The following CACNG4 variants were observed in gnomAD, a reference collection of about 807,000 sequenced individuals.
CACNG4 encodes the protein voltage-dependent calcium channel gamma-4 subunit.
A neutral mutation model predicts 22.9 loss-of-function variants in CACNG4; 8 were observed. The observed-to-expected ratio is 0.35, with a 90% confidence interval of 0.21 to 0.63. The LOEUF is 0.63. Among genes scored for constraint, CACNG4 ranks in the 30% least tolerant of loss-of-function variants. The pLI is 0.72. For synonymous variants in CACNG4, 188 were observed against 191.9 expected, an observed-to-expected ratio of 0.98 and a Z score of 0.17; for missense variants, 357 against 455.4, an observed-to-expected ratio of 0.78 and a Z score of 1.97.
At chr17:67,024,051 A>G (rs1380450826) in intron 2 of CACNG4, among the ~76,000 whole-genome samples, 3 of 152,198 alleles carry the variant, frequency 2.0e-5, no homozygotes, top group Admixed American at 6.5e-5. Flanking sequence ...TCAGTGGCAG[A>G]GCGAGGTTAG....
chr17:66,981,051 G>A (rs2035269495), intron 1 of CACNG4, among the ~76,000 whole-genome samples: 1 of 152,010 alleles, frequency 6.6e-6, no homozygotes, highest in African/African-American at 2.4e-5. Flanking sequence ...TGACTCGTGC[G>A]ACCCTGAAAC....
intron 1 of CACNG4, among the ~76,000 whole-genome samples, chr17:67,006,259 G>A (rs770688966): frequency 3.3e-5 from 5 of 152,208 alleles, no homozygotes; most frequent in African/African-American, 4.8e-5. Context: ...CCAGATGATA[G>A]CAGCCAGGCT....
intron 1 of CACNG4, among the ~76,000 whole-genome samples, chr17:66,975,016 C>G (rs778453605): frequency 6.6e-6 from 1 of 151,250 alleles, no homozygotes; most frequent in Admixed American, 6.6e-5. Context: ...AAGCTCTCCA[C>G]GTCACCACAT....
At chr17:67,012,980 T>C (rs2035477012) in intron 1 of CACNG4, among the ~76,000 whole-genome samples, 1 of 152,242 alleles carries the variant, frequency 6.6e-6, no homozygotes, top group Non-Finnish European at 1.5e-5. Context: ...AGTTGCCCTC[T>C]GACATGCTTT....
At chr17:67,015,218 C>A (rs1028239828) in intron 1 of CACNG4, among the ~76,000 whole-genome samples, 3 of 152,214 alleles carry the variant, frequency 2.0e-5, no homozygotes, top group African/African-American at 7.2e-5. Context: ...TACCGATACG[C>A]ATGACAGCTT....
chr17:66,976,322 CTCCCTCT>C (rs1316122038), intron 1 of CACNG4, among the ~76,000 whole-genome samples: 1 of 151,900 alleles, frequency 6.6e-6, no homozygotes, highest in African/African-American at 2.4e-5. Context: ...CCCCTCCCTC[CTCCCTCT>C]GTCTTTCCTC....
chr17:67,031,163 T>A lies in CACNG4; in HGVS notation c.*159T>A. The A allele has an allele frequency of 1.3e-6, 1 of 766,144 alleles. No homozygotes were observed. The highest frequency in any genetic ancestry group is 2.1e-6 in the Non-Finnish European group (1 of 477,328). 47.5% of individuals were successfully genotyped at this position (766,144 alleles called of 1,614,324 possible). On this transcript the variant is annotated 3_prime_UTR_variant, in exon 4 of 4. Coordinates refer to ENST00000262138, the MANE Select transcript of CACNG4 (RefSeq NM_014405.4). This position sits in a 1 kb window ranked among gnomAD's most constrained non-coding sequence, Gnocchi z 4.0. ...GCGTGGGCTGGCTTTGCACGAAGGT[T>A]GTGCTGGGAGACCGGACCCGGGGCT...
chr17:67,018,310 A>C (rs1467861099), intron 2 of CACNG4, 38 bp downstream of exon 2: 1 of 1,540,348 alleles, frequency 6.5e-7, no homozygotes, highest in East Asian at 2.2e-5. Flanking sequence ...TTCTGTGGGG[A>C]GGCGGAAGGG....
intron 1 of CACNG4, among the ~76,000 whole-genome samples, chr17:67,001,757 G>A (rs903777049): frequency 2.6e-5 from 4 of 152,322 alleles, no homozygotes; most frequent in South Asian, 2.1e-4. Context: ...TGGGGGAGAC[G>A]AACTAGACAT....
At position 66,984,692 on chromosome 17, in the gene CACNG4, T is replaced by TGCTTGTGGGAC. The variant is rs1367853237; in HGVS notation, c.220+19561_220+19562insGCTTGTGGGAC. ...TGTTCAGAATGACATGACCTCCCAC[T>TGCTTGTGGGAC]TGTTCCTGCCTCGCCATCTGCTTGT... On this transcript the variant is annotated intron_variant, in intron 1 of 3. Transcript: ENST00000262138. This position sits in a 1 kb window ranked among gnomAD's most constrained non-coding sequence, Gnocchi z 4.0. Among the ~76,000 whole-genome samples the TGCTTGTGGGAC allele has an allele frequency of 6.6e-6, 1 of 152,130 alleles. No individual in the cohort carries two copies. The highest frequency in any genetic ancestry group is 1.9e-4 in the East Asian group (1 of 5,188).
rs1452827341 is a variant in CACNG4 at position 66,971,282 on chromosome 17, G to A, written c.220+6151G>A. Among the ~76,000 whole-genome samples, 6 of 152,034 alleles carry A rather than the reference G, an allele frequency of 3.9e-5. No homozygotes were observed. In the East Asian group the frequency reaches 9.7e-4, roughly 24 times the overall value. ...TGAGGAGGGGTTTCCAGCCAGAAGA[G>A]CCTTGAGGAGGGGTTTCCAGCCAGA... On this transcript the variant is annotated intron_variant, in intron 1 of 3. Coordinates refer to ENST00000262138, the MANE Select transcript of CACNG4 (RefSeq NM_014405.4).
intron 2 of CACNG4, 93 bp downstream of exon 2, chr17:67,018,365 G>C: frequency 2.2e-6 from 2 of 890,796 alleles, no homozygotes; most frequent in East Asian, 2.5e-5. Context: ...GGCATGGAGA[G>C]GGTGATTGTC....
Position 66,986,265 on chromosome 17 carries a change from G to A in CACNG4, c.220+21134G>A, listed in dbSNP as rs148043214. ...TGCCTCTGGCCCTCCTGGCCCAGCC[G>A]TGTGGGTTGAGGGTCTCACCAAGGG... On this transcript the variant is annotated intron_variant, in intron 1 of 3. Transcript: ENST00000262138. Among the ~76,000 whole-genome samples the A allele has an allele frequency of 1.4e-3, 206 of 152,362 alleles. 1 individual carries two copies. Among genetic ancestry groups the A allele is most frequent in the African/African-American group, 4.6e-3 (191 of 41,592 alleles).
intron 1 of CACNG4, among the ~76,000 whole-genome samples, chr17:66,979,912 T>C (rs188127925): frequency 9.2e-5 from 14 of 152,102 alleles, no homozygotes; most frequent in Admixed American, 6.5e-4. Flanking sequence ...TGTGCCACCA[T>C]GCCCAGCTAA....
chr17:67,014,704 C>CG (rs1393566911), intron 1 of CACNG4, among the ~76,000 whole-genome samples: 3 of 151,988 alleles, frequency 2.0e-5, no homozygotes, highest in Admixed American at 6.6e-5. Flanking sequence ...TGGGAGGCCA[C>CG]GGTGGGTGGA....
intron 1 of CACNG4, among the ~76,000 whole-genome samples, 179 bp from the exon 2 acceptor site, chr17:67,018,010 C>A (rs527819705): frequency 7.2e-5 from 11 of 152,160 alleles, no homozygotes; most frequent in Non-Finnish European, 1.3e-4. Flanking sequence ...CCGGTGTAGC[C>A]ATTCTCTGTG....
At chr17:67,002,386 T>G (rs1444112972) in intron 1 of CACNG4, among the ~76,000 whole-genome samples, 1 of 152,190 alleles carries the variant, frequency 6.6e-6, no homozygotes, top group East Asian at 1.9e-4. Flanking sequence ...GAGATTTGCG[T>G]GGGGACATAG....
chr17:66,980,059 T>C (rs894680579), intron 1 of CACNG4, among the ~76,000 whole-genome samples: 2 of 152,196 alleles, frequency 1.3e-5, no homozygotes, highest in African/African-American at 4.8e-5. Context: ...CAGCCTGTTC[T>C]TTTTATTCTT....
intron 2 of CACNG4, among the ~76,000 whole-genome samples, chr17:67,019,139 G>A (rs1400803902): frequency 6.6e-6 from 1 of 152,128 alleles, no homozygotes; most frequent in Non-Finnish European, 1.5e-5. Flanking sequence ...CTTGTTGATG[G>A]AGAATCAATA....
Sources: allele counts gnomAD v4.1 joint callset (sites outside exome capture counted in the v4.1 genomes callset), GRCh38; gene constraint gnomAD v4.1.1; non-coding constraint Gnocchi (gnomAD v3.1); transcripts MANE v1.5; gene names NCBI Gene and HGNC (gene_info 2026-07-23, HGNC 2026-07-21).